The following MYO5B variants were observed in gnomAD, a reference collection of about 807,000 sequenced individuals.
The protein encoded by MYO5B is unconventional myosin-Vb.
MYO5B carries 143 observed loss-of-function variants against 229.3 expected under a neutral mutation model. The ratio of observed to expected loss-of-function variants is 0.62; its 90% CI spans 0.54 to 0.72. The LOEUF is 0.72. Ranked by LOEUF, MYO5B falls within the 30% of genes least tolerant of loss-of-function variation. The probability of loss-of-function intolerance (pLI) is 0.00; values close to 1 mark genes in which losing one functional copy is unlikely to be tolerated. For missense variants in MYO5B, 2,321 were observed against 2,331.0 expected (o/e 1.00, Z 0.09); for synonymous variants, 918 against 885.2 (o/e 1.04, Z -0.66).
At position 49,904,567 on chromosome 18, in the gene MYO5B, A is replaced by G. The variant is rs2024877742; in HGVS notation, c.2571+105T>C. The G allele has an allele frequency of 2.0e-5, 29 of 1,427,502 alleles. No homozygotes were observed. The South Asian group carries it at 2.9e-4, about 14-fold the overall frequency. The allele number at this position is 1,427,502 out of a possible 1,614,324, so 88.4% of individuals were successfully genotyped here. On this transcript the variant is annotated intron_variant, in intron 20 of 39. Coordinates refer to ENST00000285039, the MANE Select transcript of MYO5B (RefSeq NM_001080467.3). ...AGAGCAGAGATGTGAAAGCATTTAGAAAAAAGTTGGGAGTGCTTGACAGAG... is the reference window on the plus strand; with the variant it reads ...AGAGCAGAGATGTGAAAGCATTTAGGAAAAAGTTGGGAGTGCTTGACAGAG...
In MYO5B at chr18:49,902,667, G is replaced by C. The variant is rs2024855246; in HGVS notation, c.2738C>G (p.Ala913Gly). ...CACGTTGAGACGTTTCAGATGCTCT[G>C]CTGAGCGGGCCTCAATCCTGAGGGC... The part of the protein sequence containing the change: ...LKALRIEARS[A>G]EHLKRLNVGM... The change falls in exon 21 of 40, where the codon GCA (alanine) becomes GGA (glycine). Residue 913 changes from alanine (A) to glycine (G), a missense_variant. Physicochemically the swap from Ala to Gly is moderately conservative, Grantham distance 60 (BLOSUM62 0). This residue lies in a region of MYO5B where 2,113 missense variants were observed against 2,044.7 expected (regional missense o/e 1.03). Coordinates refer to ENST00000285039, the MANE Select transcript of MYO5B (RefSeq NM_001080467.3). 6.2e-7 allele frequency: 1 copy of C among 1,613,076 alleles called. No homozygotes were observed. Among genetic ancestry groups the C allele is most frequent in the Non-Finnish European group, 8.5e-7 (1 of 1,180,034 alleles).
intron 2 of MYO5B, among the ~76,000 whole-genome samples, chr18:50,042,091 C>A (rs2030033532): frequency 6.6e-6 from 1 of 152,208 alleles, no homozygotes; most frequent in Non-Finnish European, 1.5e-5. Context: ...GGCAGACAAA[C>A]AGTTACACCA....
At chr18:49,936,737 G>A (rs1007243887) in intron 15 of MYO5B, among the ~76,000 whole-genome samples, 3 of 152,112 alleles carry the variant, frequency 2.0e-5, no homozygotes, top group African/African-American at 4.8e-5. Flanking sequence ...TGGGTATCCT[G>A]GAAATAATTT....
chr18:49,852,708 A>G (rs1354546000), intron 31 of MYO5B, among the ~76,000 whole-genome samples: 1 of 151,942 alleles, frequency 6.6e-6, no homozygotes, highest in Non-Finnish European at 1.5e-5. Flanking sequence ...GCCTTGGTCC[A>G]TGCTTTTCTT....
intron 4 of MYO5B, among the ~76,000 whole-genome samples, chr18:50,022,523 G>C (rs2026287319): frequency 6.6e-6 from 1 of 152,170 alleles, no homozygotes. Flanking sequence ...AGAAGGCAAA[G>C]ACAAGGGACA....
intron 2 of MYO5B, among the ~76,000 whole-genome samples, chr18:50,043,531 AT>A (rs1204481066): frequency 2.4e-4 from 26 of 107,298 alleles, no homozygotes; most frequent in African/African-American, 5.1e-4. Context: ...ATATAAATAT[AT>A]TTTATATATA....
chr18:50,041,006 T>C (rs781281809), intron 2 of MYO5B, among the ~76,000 whole-genome samples: 16 of 152,210 alleles, frequency 1.1e-4, no homozygotes, highest in Non-Finnish European at 1.6e-4. Flanking sequence ...GGTACATGTA[T>C]GCACACATGT....
chr18:50,153,305 T>A (rs986697134), intron 1 of MYO5B, among the ~76,000 whole-genome samples: 1 of 152,154 alleles, frequency 6.6e-6, no homozygotes, highest in Non-Finnish European at 1.5e-5. Context: ...TTCAAAATAG[T>A]GACTTTCAAG....
intron 1 of MYO5B, among the ~76,000 whole-genome samples, chr18:50,175,593 T>C (rs186715305): frequency 3.9e-5 from 6 of 152,358 alleles, no homozygotes; most frequent in Admixed American, 3.9e-4. Flanking sequence ...CCTTCCTCCT[T>C]TTACTGTCTA....
chr18:49,876,620 G>C (rs942600419), intron 25 of MYO5B, among the ~76,000 whole-genome samples: 3 of 152,200 alleles, frequency 2.0e-5, no homozygotes, highest in Non-Finnish European at 4.4e-5. Context: ...TGATGACAAT[G>C]CTTATGTCTA....
In MYO5B at chr18:50,160,749, G is replaced by C. The variant is rs555325562; in HGVS notation, c.27+34018C>G. 2.0e-5 allele frequency among the ~76,000 whole-genome samples: 3 copies of C among 152,280 alleles called. No individual in the cohort carries two copies. In the South Asian group the frequency reaches 6.2e-4, roughly 32 times the overall value. ...CTCATCCTAGTTGTGACCGCTGTGAGAGTAGACACAATCCTAGGGCCTAGC... is the reference window on the plus strand; with the variant it reads ...CTCATCCTAGTTGTGACCGCTGTGACAGTAGACACAATCCTAGGGCCTAGC... On this transcript the variant is annotated intron_variant, in intron 1 of 39. Transcript: ENST00000285039.
Position 49,836,971 on chromosome 18 carries a change from G to A in MYO5B, c.5139-86C>T, listed in dbSNP as rs948698045. 36 of 1,276,198 alleles carry A rather than the reference G, an allele frequency of 2.8e-5. No individual in the cohort carries two copies. In the Admixed American group the frequency reaches 2.9e-4, roughly 10 times the overall value. The allele number at this position is 1,276,198 out of a possible 1,614,324, so 79.1% of individuals were successfully genotyped here. A position where few individuals can be genotyped will look rare whatever the true frequency, so the allele number is the denominator to read the frequency against. The stretch of plus-strand genomic sequence containing the variant: ...GACACCTGTTGTGTTTTGCAGGCCC[G>A]CTGCAGCTAGTGCCATTATTTATCT... On this transcript the variant is annotated intron_variant, in intron 37 of 39. Transcript: ENST00000285039.
chr18:49,864,449 C>T (rs2024373348), intron 27 of MYO5B, 69 bp from the exon 28 acceptor site: 2 of 1,583,808 alleles, frequency 1.3e-6, no homozygotes, highest in African/African-American at 2.7e-5. Context: ...GTGGGCCTCC[C>T]CTCCTCCCCT....
chr18:49,901,870 G>C (rs914592326), intron 21 of MYO5B, among the ~76,000 whole-genome samples: 2 of 152,174 alleles, frequency 1.3e-5, no homozygotes, highest in African/African-American at 4.8e-5. Context: ...TGTACAAAAA[G>C]GGGGATGGTA....
chr18:50,100,436 T>G (rs945353898), intron 1 of MYO5B, among the ~76,000 whole-genome samples: 2 of 152,180 alleles, frequency 1.3e-5, no homozygotes, highest in African/African-American at 4.8e-5. Flanking sequence ...ACAGACCCAC[T>G]GACCACAGGA....
At chr18:50,088,607 T>C (rs753602761) in intron 1 of MYO5B, among the ~76,000 whole-genome samples, 1 of 152,254 alleles carries the variant, frequency 6.6e-6, no homozygotes, top group Non-Finnish European at 1.5e-5. Flanking sequence ...CCTCACCCTC[T>C]TTCAAGGACT....
At chr18:50,156,343 C>T (rs2032678529) in intron 1 of MYO5B, among the ~76,000 whole-genome samples, 2 of 152,182 alleles carry the variant, frequency 1.3e-5, no homozygotes. Flanking sequence ...CCATAATCCC[C>T]CCGTGTTGCG....
intron 1 of MYO5B, among the ~76,000 whole-genome samples, chr18:50,057,120 C>A (rs2030569995): frequency 6.6e-6 from 1 of 152,194 alleles, no homozygotes; most frequent in Admixed American, 6.5e-5. Flanking sequence ...CCAGAGAAAA[C>A]CTTCTGAGCA....
At chr18:49,864,909 G>T (rs2024378882) in intron 27 of MYO5B, among the ~76,000 whole-genome samples, 1 of 152,104 alleles carries the variant, frequency 6.6e-6, no homozygotes, top group Admixed American at 6.6e-5. Flanking sequence ...TGTTGTTTTG[G>T]TCATATAGAA....
Sources: gnomAD v4.1 joint callset for allele counts (sites outside exome capture counted in the v4.1 genomes callset) on GRCh38, gnomAD v4.1.1 for gene constraint, gnomAD v4.1.1 regional missense constraint, MANE v1.5 for transcripts, NCBI Gene and HGNC (gene_info 2026-07-23, HGNC 2026-07-21) for gene names.